Variants in ZNF277 observed in about 807,000 individuals in gnomAD.
ZNF277 encodes nuclear receptor-interacting factor 4.
Under a neutral mutation model 60.7 loss-of-function variants are expected in ZNF277, and 55 were observed. The observed-to-expected ratio is 0.91, with a 90% CI of 0.73 to 1.13. The LOEUF (loss-of-function observed/expected upper bound fraction) is 1.13, where lower values mean the gene tolerates loss of function less well. Among genes scored for constraint, ZNF277 ranks in the 50% most tolerant of loss-of-function variants. The pLI, the probability that ZNF277 is intolerant of heterozygous loss-of-function variation, is 0.00. For synonymous variants in ZNF277, 178 were observed against 179.3 expected, an observed-to-expected ratio of 0.99 and a Z score of 0.06; for missense variants, 510 against 523.0, an observed-to-expected ratio of 0.98 and a Z score of 0.24.
chr7:112,258,044 C>T lies in ZNF277; in HGVS notation c.92-28829C>T, dbSNP rs1054254656. ...CCCAGGCTGGCAAATTTTTTTAAGC[C>T]AGAATATGAAATCATTTTTTTATGT... On this transcript the variant is annotated intron_variant, in intron 1 of 11. Coordinates refer to ENST00000361822, the MANE Select transcript of ZNF277 (RefSeq NM_021994.3). Among the ~76,000 whole-genome samples the T allele has an allele frequency of 2.0e-5, 3 of 151,576 alleles. No individual in the cohort carries two copies. The Admixed American group carries it at 2.0e-4, about 10-fold the overall frequency.
At chr7:112,237,630 A>G (rs1056269144) in intron 1 of ZNF277, among the ~76,000 whole-genome samples, 3 of 151,974 alleles carry the variant, frequency 2.0e-5, no homozygotes, top group African/African-American at 7.2e-5. Flanking sequence ...AAAACATACA[A>G]CCTCCCAAGA....
At chr7:112,218,595 C>G (rs1821947568) in intron 1 of ZNF277, among the ~76,000 whole-genome samples, 1 of 152,096 alleles carries the variant, frequency 6.6e-6, no homozygotes, top group Admixed American at 6.5e-5. Flanking sequence ...AATTTTGTAC[C>G]TTTCGACCAA....
chr7:112,229,969 C>T (rs764113425), intron 1 of ZNF277, among the ~76,000 whole-genome samples: 2 of 152,014 alleles, frequency 1.3e-5, no homozygotes, highest in East Asian at 1.9e-4. Flanking sequence ...TTTACTAAAA[C>T]CTAAAATAGA....
At chr7:112,227,393 T>C (rs533552239) in intron 1 of ZNF277, among the ~76,000 whole-genome samples, 1 of 152,342 alleles carries the variant, frequency 6.6e-6, no homozygotes, top group Admixed American at 6.5e-5. Flanking sequence ...GAGAGACTCC[T>C]GTCCTACCTC....
chr7:112,317,417 A>T (rs1255820756), intron 4 of ZNF277, among the ~76,000 whole-genome samples: 1 of 152,158 alleles, frequency 6.6e-6, no homozygotes, highest in Non-Finnish European at 1.5e-5. Context: ...TGAGCTCTTA[A>T]CTGTTGTACT....
In ZNF277 at chr7:112,248,350, T is replaced by A. The variant is rs1433294803; in HGVS notation, c.92-38523T>A. Among the ~76,000 whole-genome samples the A allele has an allele frequency of 2.6e-5, 4 of 151,900 alleles. No individual in the cohort carries two copies. The South Asian group carries it at 6.2e-4, about 24-fold the overall frequency. On this transcript the variant is annotated intron_variant, in intron 1 of 11. Coordinates refer to ENST00000361822, the MANE Select transcript of ZNF277 (RefSeq NM_021994.3). The stretch of plus-strand genomic sequence containing the variant: ...TTCTTATATTTGGTTGGTTTTATTT[T>A]TTTTTTTTCATAAAGAGAACAGCAT...
In ZNF277 at chr7:112,303,547, C is replaced by T. The variant is rs77351399; in HGVS notation, c.465+7236C>T. ...ATGCCATGCTGATAGCTTTCTTTTT[C>T]CTTTTTCTTCTAAAAGATGGGTATT... On this transcript the variant is annotated intron_variant, in intron 4 of 11. Coordinates refer to ENST00000361822, the MANE Select transcript of ZNF277 (RefSeq NM_021994.3). Among the ~76,000 whole-genome samples the T allele has an allele frequency of 5.8e-3, 877 of 152,008 alleles. 6 individuals are homozygous for T. The highest frequency in any genetic ancestry group is 9.1e-3 in the Non-Finnish European group (621 of 67,946).
Position 112,342,657 on chromosome 7 carries a change from C to T in ZNF277, c.1281C>T (p.Pro427=), listed in dbSNP as rs770711868. The T allele has an allele frequency of 2.5e-6, 4 of 1,612,562 alleles. No individual in the cohort carries two copies. The South Asian group carries it at 3.3e-5, about 13-fold the overall frequency. The change falls in exon 12 of 12, where the codon CCC becomes CCT. Residue 427 remains proline (P), a synonymous_variant. Transcript: ENST00000361822. ...LTAQEQNENV[P]IISEDTSKLY... ...CTCAGGAACAAAATGAAAATGTTCCCATCATCAGTGAAGATACATCTAAAC... is the reference window on the plus strand; with the variant it reads ...CTCAGGAACAAAATGAAAATGTTCCTATCATCAGTGAAGATACATCTAAAC...
chr7:112,243,502 C>T (rs1407117196), intron 1 of ZNF277, among the ~76,000 whole-genome samples: 1 of 149,436 alleles, frequency 6.7e-6, no homozygotes, highest in Non-Finnish European at 1.5e-5. Flanking sequence ...AAAACAACCC[C>T]ATTAAAAAAG....
chr7:112,247,898 G>A (rs1266824684), intron 1 of ZNF277, among the ~76,000 whole-genome samples: 1 of 151,788 alleles, frequency 6.6e-6, no homozygotes, highest in South Asian at 2.1e-4. Context: ...AACCCAGGAG[G>A]CAGAGATCAC....
chr7:112,267,270 A>G (rs1791569789), intron 1 of ZNF277, among the ~76,000 whole-genome samples: 3 of 152,150 alleles, frequency 2.0e-5, no homozygotes, highest in Admixed American at 1.3e-4. Flanking sequence ...AACTGAAATA[A>G]CTTATTTTAC....
chr7:112,258,745 C>G (rs1020369804), intron 1 of ZNF277, among the ~76,000 whole-genome samples: 1 of 152,058 alleles, frequency 6.6e-6, no homozygotes, highest in Non-Finnish European at 1.5e-5. Flanking sequence ...GGGAAAATTT[C>G]TTATTTAGCA....
intron 1 of ZNF277, among the ~76,000 whole-genome samples, chr7:112,211,053 A>G (rs1314672179): frequency 6.6e-6 from 1 of 152,064 alleles, no homozygotes; most frequent in Admixed American, 6.5e-5. Context: ...TTCCCTCCGA[A>G]TGGGTGTTTA....
intron 4 of ZNF277, among the ~76,000 whole-genome samples, chr7:112,308,575 A>G (rs1465606953): frequency 6.6e-6 from 1 of 152,080 alleles, no homozygotes; most frequent in Non-Finnish European, 1.5e-5. Context: ...TTGGAAGCCA[A>G]TAGTTGGTGT....
At chr7:112,215,207 G>GGCTGCT (rs201540298) in intron 1 of ZNF277, among the ~76,000 whole-genome samples, 2 of 152,150 alleles carry the variant, frequency 1.3e-5, no homozygotes, top group African/African-American at 4.8e-5. Flanking sequence ...TTACTATTAT[G>GGCTGCT]GCTGCTGCTG....
chr7:112,311,518 T>A (rs1563224702), intron 4 of ZNF277, among the ~76,000 whole-genome samples: 1 of 152,244 alleles, frequency 6.6e-6, no homozygotes, highest in South Asian at 2.1e-4. Flanking sequence ...TAAAACCTGA[T>A]ATATAGCCCA....
intron 1 of ZNF277, among the ~76,000 whole-genome samples, chr7:112,216,726 G>A (rs1821894344): frequency 6.6e-6 from 1 of 152,170 alleles, no homozygotes; most frequent in East Asian, 1.9e-4. Flanking sequence ...GTAAAAGAAA[G>A]AGGAGGTAGG....
At chr7:112,322,996 T>C (rs1793018108) in intron 5 of ZNF277, among the ~76,000 whole-genome samples, 1 of 151,174 alleles carries the variant, frequency 6.6e-6, no homozygotes, top group Non-Finnish European at 1.5e-5. Flanking sequence ...CAGATAATGA[T>C]CCGACAGATT....
In ZNF277 at chr7:112,287,025, G is replaced by A. The variant is rs1381297836; in HGVS notation, c.244G>A (p.Glu82Lys). 12 of 1,613,850 alleles carry A rather than the reference G, an allele frequency of 7.4e-6. No individual in the cohort carries two copies. Among genetic ancestry groups the A allele is most frequent in the Non-Finnish European group, 1.0e-5 (12 of 1,179,972 alleles). The change falls in exon 2 of 12, where the codon GAG becomes AAG. Residue 82 changes from glutamate to lysine, a missense_variant. By Grantham distance (56) the Glu-to-Lys change is moderately conservative (BLOSUM62 1). Coordinates refer to ENST00000361822, the MANE Select transcript of ZNF277 (RefSeq NM_021994.3). Reference sequence around the variant, plus strand: ...CAAACTTCTGAAGCACATGATTATTGAGCATAAGATTGTCATAGCTGATGT... The same window carrying A: ...CAAACTTCTGAAGCACATGATTATTAAGCATAAGATTGTCATAGCTGATGT... ...QDKLLKHMII[E>K]HKIVIADVKL...
Sources: gnomAD v4.1 joint callset for allele counts (sites outside exome capture counted in the v4.1 genomes callset) on GRCh38, gnomAD v4.1.1 for gene constraint, MANE v1.5 for transcripts, NCBI Gene and HGNC (gene_info 2026-07-23, HGNC 2026-07-21) for gene names.